Variants in DIS3L2 observed in about 807,000 individuals in gnomAD.
The protein encoded by DIS3L2 is DIS3-like exonuclease 2.
A neutral mutation model predicts 97.5 loss-of-function variants in DIS3L2; 34 were observed. The observed-to-expected ratio is 0.35, with a 90% CI of 0.27 to 0.46. The LOEUF (loss-of-function observed/expected upper bound fraction) is 0.46. Among genes scored for constraint, DIS3L2 ranks in the 20% least tolerant of loss-of-function variants. The pLI is 1.00. For synonymous variants in DIS3L2, 435 were observed against 445.2 expected, an observed-to-expected ratio of 0.98 and a Z score of 0.29; for missense variants, 1,038 against 1,146.0, an observed-to-expected ratio of 0.91 and a Z score of 1.36.
chr2:232,241,837 TAAAAG>T (rs1693110001), intron 11 of DIS3L2, among the ~76,000 whole-genome samples: 1 of 152,222 alleles, frequency 6.6e-6, no homozygotes, highest in East Asian at 1.9e-4. Context: ...GCTTTAAAAG[TAAAAG>T]AAAACCTAAA....
intron 14 of DIS3L2, among the ~76,000 whole-genome samples, chr2:232,303,299 C>A (rs973659101): frequency 9.2e-5 from 14 of 151,426 alleles, no homozygotes; most frequent in Admixed American, 6.0e-4. Context: ...CCTCTGTTTC[C>A]ATTTAGGGTC....
chr2:232,223,131 T>C (rs567756005), intron 10 of DIS3L2, among the ~76,000 whole-genome samples: 2 of 152,186 alleles, frequency 1.3e-5, no homozygotes, highest in Non-Finnish European at 2.9e-5. Flanking sequence ...GGTTCCAGTT[T>C]CCTTGCTCAT....
chr2:232,105,479 T>G (rs972781082), intron 6 of DIS3L2, among the ~76,000 whole-genome samples: 5 of 152,204 alleles, frequency 3.3e-5, no homozygotes, highest in Non-Finnish European at 7.4e-5. Flanking sequence ...CCCAGCTCTT[T>G]TTCAGGCTTT....
intron 5 of DIS3L2, among the ~76,000 whole-genome samples, chr2:232,052,322 C>A (rs534927156): frequency 1.3e-5 from 2 of 152,270 alleles, no homozygotes; most frequent in East Asian, 3.9e-4. Context: ...CTGTGCCCAG[C>A]CTCCTTCTTA....
chr2:232,200,318 A>G (rs1250626511), intron 9 of DIS3L2, among the ~76,000 whole-genome samples: 2 of 152,128 alleles, frequency 1.3e-5, no homozygotes, highest in African/African-American at 2.4e-5. Flanking sequence ...AACATTTTCT[A>G]ACTCTGCTAG....
intron 14 of DIS3L2, 28 bp from the exon 15 acceptor site, chr2:232,329,785 T>TGCCGGGGGGGGGGC: frequency 4.1e-6 from 4 of 967,140 alleles, no homozygotes; most frequent in Non-Finnish European, 4.4e-6. Context: ...ACCCCAGCGG[T>TGCCGGGGGGGGGGC]CCCTCCCATC....
At chr2:232,336,091 AGAGGAGG>A (rs1163811293) in intron 20 of DIS3L2, 1 of 1,543,186 alleles carries the variant, frequency 6.5e-7, no homozygotes, top group Non-Finnish European at 8.7e-7. Context: ...CACAGTGGAG[AGAGGAGG>A]GGCTCTGCCT....
intron 16 of DIS3L2, among the ~76,000 whole-genome samples, chr2:232,331,219 C>A (rs2106349683): frequency 6.6e-6 from 1 of 152,384 alleles, no homozygotes; most frequent in South Asian, 2.1e-4. Context: ...TAGGCCTGGG[C>A]CTGCAGGGAG....
chr2:232,034,162 A>G (rs1018042193), intron 5 of DIS3L2, among the ~76,000 whole-genome samples: 3 of 152,158 alleles, frequency 2.0e-5, no homozygotes, highest in Non-Finnish European at 4.4e-5. Flanking sequence ...TTATTGGTCT[A>G]TTCAGGGATT....
intron 6 of DIS3L2, among the ~76,000 whole-genome samples, chr2:232,100,891 T>A (rs958448594): frequency 6.6e-6 from 1 of 151,880 alleles, no homozygotes; most frequent in Non-Finnish European, 1.5e-5. Flanking sequence ...AGTAAGCTGT[T>A]TATTATTGTG....
At chr2:232,089,178 CAT>C (rs1696759360) in intron 6 of DIS3L2, among the ~76,000 whole-genome samples, 1 of 152,188 alleles carries the variant, frequency 6.6e-6, no homozygotes, top group South Asian at 2.1e-4. Flanking sequence ...TTTTTGAAAG[CAT>C]GTGTCCTTTT....
chr2:232,303,775 G>T (rs934595511), intron 14 of DIS3L2, among the ~76,000 whole-genome samples: 1 of 152,156 alleles, frequency 6.6e-6, no homozygotes, highest in Admixed American at 6.5e-5. Flanking sequence ...CAACAGAGAA[G>T]AAGAATGTGG....
chr2:232,333,713 G>A (rs1184867161), intron 16 of DIS3L2, 127 bp from the exon 17 acceptor site: 14 of 1,378,870 alleles, frequency 1.0e-5, no homozygotes, highest in Non-Finnish European at 1.3e-5. Flanking sequence ...GCGTCACTCA[G>A]CAACCAGCAG....
chr2:232,224,504 T>C (rs1272710161), intron 10 of DIS3L2, among the ~76,000 whole-genome samples: 1 of 152,152 alleles, frequency 6.6e-6, no homozygotes, highest in Admixed American at 6.6e-5. Context: ...ATAAATTAGA[T>C]TTTATTAAAA....
intron 1 of DIS3L2, among the ~76,000 whole-genome samples, chr2:231,975,705 A>AG (rs1693066819): frequency 7.3e-5 from 3 of 40,996 alleles, no homozygotes; most frequent in African/African-American, 2.0e-4. Flanking sequence ...ACTCCGCCTC[A>AG]AAAAAAAAAA....
chr2:232,322,121 C>T (rs1005114708), intron 14 of DIS3L2, among the ~76,000 whole-genome samples: 9 of 152,332 alleles, frequency 5.9e-5, no homozygotes, highest in African/African-American at 2.2e-4. Context: ...CAGCAATGTG[C>T]TCTCAGGGTG....
At chr2:231,994,815 C>CT (rs560154000) in intron 1 of DIS3L2, among the ~76,000 whole-genome samples, 5,066 of 134,356 alleles carry the variant, frequency 0.038, 307 homozygotes, top group African/African-American at 0.12. Flanking sequence ...CATTCTTTTT[C>CT]TTTTTTTTTT....
chr2:232,129,239 A>G (rs560322564), intron 6 of DIS3L2, among the ~76,000 whole-genome samples: 2 of 152,324 alleles, frequency 1.3e-5, no homozygotes, highest in East Asian at 3.9e-4. Context: ...TAGTTGTCAA[A>G]TATCTAAGTA....
chr2:232,040,612 G>A (rs1695083346), intron 5 of DIS3L2, among the ~76,000 whole-genome samples: 1 of 151,776 alleles, frequency 6.6e-6, no homozygotes, highest in Admixed American at 6.6e-5. Context: ...ACCCCAATAC[G>A]GTAAATTACA....
Sources: gnomAD v4.1 joint callset for allele counts (sites outside exome capture counted in the v4.1 genomes callset) on GRCh38, gnomAD v4.1.1 for gene constraint, MANE v1.5 for transcripts, NCBI Gene and HGNC (gene_info 2026-07-23, HGNC 2026-07-21) for gene names.